Variants in MECOM observed in about 807,000 individuals in gnomAD.
MECOM encodes MDS1 and EVI1 complex locus.
Under a neutral mutation model 116.3 loss-of-function variants are expected in MECOM, and 13 were observed. The observed-to-expected ratio is 0.11, with a 90% CI of 0.07 to 0.18. The LOEUF (loss-of-function observed/expected upper bound fraction) is 0.18. MECOM is among the 10% of genes least tolerant of loss of function. The probability of loss-of-function intolerance (pLI) is 1.00; values close to 1 mark genes in which losing one functional copy is unlikely to be tolerated. For synonymous variants in MECOM, 528 were observed against 535.2 expected, an observed-to-expected ratio of 0.99 and a Z score of 0.19; for missense variants, 1,299 against 1,509.0, an observed-to-expected ratio of 0.86 and a Z score of 2.31.
chr3:169,378,517 A>G (rs11715195), intron 2 of MECOM, among the ~76,000 whole-genome samples: 64 of 19,552 alleles, frequency 3.3e-3, no homozygotes, highest in East Asian at 5.7e-3. Flanking sequence ...AAGAAAGAAA[A>G]GAAAGAAAGA....
At chr3:169,300,794 A>G (rs920389688) in intron 2 of MECOM, among the ~76,000 whole-genome samples, 6 of 152,220 alleles carry the variant, frequency 3.9e-5, no homozygotes, top group Non-Finnish European at 8.8e-5. Flanking sequence ...TTCCAACCAG[A>G]GGAGAGTACA....
intron 1 of MECOM, among the ~76,000 whole-genome samples, chr3:169,565,222 A>AGG (rs1426005493): frequency 6.6e-6 from 1 of 152,224 alleles, no homozygotes; most frequent in Non-Finnish European, 1.5e-5. Flanking sequence ...AGCAAGCACC[A>AGG]GGGGCAGGGG....
rs140023455 is a variant in MECOM at position 169,339,471 on chromosome 3, G to T, written c.375+41716C>A. Among the ~76,000 whole-genome samples, 52 of 152,332 alleles carry T rather than the reference G, an allele frequency of 3.4e-4. No homozygotes were observed. In the East Asian group the frequency reaches 6.2e-3, roughly 18 times the overall value. ...ATACAGGCAAATGATTTGAAGGGAA[G>T]ACTGCAATGTATGGAAATAACCACC... On this transcript the variant is annotated intron_variant, in intron 2 of 16. Coordinates refer to ENST00000651503, the MANE Select transcript of MECOM (RefSeq NM_004991.4).
chr3:169,361,777 A>T (rs908146827), intron 2 of MECOM, among the ~76,000 whole-genome samples: 11 of 151,784 alleles, frequency 7.2e-5, no homozygotes, highest in African/African-American at 2.7e-4. Flanking sequence ...GCTGTTGTTG[A>T]CAAAAGTCCA....
At chr3:169,278,371 C>A (rs1389178504) in intron 2 of MECOM, among the ~76,000 whole-genome samples, 1 of 152,182 alleles carries the variant, frequency 6.6e-6, no homozygotes, top group African/African-American at 2.4e-5. Context: ...AGATCCAGTC[C>A]TAAATGCCTT....
rs1577829966 is a variant in MECOM at position 169,354,547 on chromosome 3, C to G, written c.375+26640G>C. Among the ~76,000 whole-genome samples, 3 of 151,846 alleles carry G rather than the reference C, an allele frequency of 2.0e-5. No individual in the cohort carries two copies. The East Asian group carries it at 5.9e-4, about 30-fold the overall frequency. On this transcript the variant is annotated intron_variant, in intron 2 of 16. Coordinates refer to ENST00000651503, the MANE Select transcript of MECOM (RefSeq NM_004991.4). Reference sequence around the variant, plus strand: ...TTTAAGTTTAGTTTGGTCGTATTACCCATAGGTTAAATCCTAGCCTAACCT... The same window carrying G: ...TTTAAGTTTAGTTTGGTCGTATTACGCATAGGTTAAATCCTAGCCTAACCT...
chr3:169,507,913 G>C (rs1755479599), intron 1 of MECOM, among the ~76,000 whole-genome samples: 1 of 151,704 alleles, frequency 6.6e-6, no homozygotes, highest in African/African-American at 2.4e-5. Flanking sequence ...GCCCGCCTCG[G>C]CCTCCCAAAG....
At chr3:169,605,699 G>A (rs928681274) in intron 1 of MECOM, among the ~76,000 whole-genome samples, 2 of 152,318 alleles carry the variant, frequency 1.3e-5, no homozygotes, top group Admixed American at 1.3e-4. Context: ...GTTGCCCTGA[G>A]TTGCCTATAG....
At chr3:169,217,522 C>T (rs748365598) in intron 2 of MECOM, among the ~76,000 whole-genome samples, 1 of 152,078 alleles carries the variant, frequency 6.6e-6, no homozygotes, top group Non-Finnish European at 1.5e-5. Flanking sequence ...CGGTGGCTCA[C>T]ACCTGTAATC....
chr3:169,196,244 C>T (rs1748394565), intron 2 of MECOM, among the ~76,000 whole-genome samples: 1 of 151,972 alleles, frequency 6.6e-6, no homozygotes, highest in Non-Finnish European at 1.5e-5. Context: ...ACTTGATGCT[C>T]AGACATTCTA....
At chr3:169,600,879 T>C (rs1331954730) in intron 1 of MECOM, among the ~76,000 whole-genome samples, 4 of 152,168 alleles carry the variant, frequency 2.6e-5, no homozygotes, top group Non-Finnish European at 5.9e-5. Flanking sequence ...GAAAGTAGAG[T>C]AGAAAGGCCA....
chr3:169,110,750 A>T (rs963056173), intron 9 of MECOM, among the ~76,000 whole-genome samples: 10 of 152,128 alleles, frequency 6.6e-5, no homozygotes, highest in African/African-American at 2.4e-4. Context: ...ATCAGGTTCT[A>T]AGTATTTTGA....
At chr3:169,446,587 A>G (rs1355886911) in intron 1 of MECOM, among the ~76,000 whole-genome samples, 1 of 152,236 alleles carries the variant, frequency 6.6e-6, no homozygotes, top group Admixed American at 6.5e-5. Flanking sequence ...AGTTTACATC[A>G]TAGAACTTGC....
chr3:169,099,557 T>A (rs1722866682), intron 12 of MECOM, among the ~76,000 whole-genome samples: 2 of 152,202 alleles, frequency 1.3e-5, no homozygotes, highest in South Asian at 4.1e-4. Flanking sequence ...TCCCTCTAGC[T>A]TTCTTCTAAG....
chr3:169,475,340 A>G (rs151246636), intron 1 of MECOM, among the ~76,000 whole-genome samples: 22 of 152,284 alleles, frequency 1.4e-4, no homozygotes, highest in African/African-American at 4.6e-4. Context: ...CCCTGGCCCA[A>G]CTTTATCAAG....
At chr3:169,293,004 GA>G (rs1368888955) in intron 2 of MECOM, among the ~76,000 whole-genome samples, 1 of 152,110 alleles carries the variant, frequency 6.6e-6, no homozygotes, top group Non-Finnish European at 1.5e-5. Flanking sequence ...TCAGTGAGAT[GA>G]AGTGACTTAT....
chr3:169,639,750 A>C (rs1350479910), intron 1 of MECOM, among the ~76,000 whole-genome samples: 1 of 152,260 alleles, frequency 6.6e-6, no homozygotes, highest in East Asian at 1.9e-4. Flanking sequence ...AACCCCAAGT[A>C]TTAAGATAGG....
chr3:169,646,488 A>G (rs1343036693), intron 1 of MECOM, among the ~76,000 whole-genome samples: 1 of 152,160 alleles, frequency 6.6e-6, no homozygotes, highest in Non-Finnish European at 1.5e-5. Flanking sequence ...AAAAAATTAA[A>G]AAAGAACTAG....
intron 1 of MECOM, among the ~76,000 whole-genome samples, chr3:169,584,336 C>T (rs566191379): frequency 1.6e-4 from 25 of 151,728 alleles, no homozygotes; most frequent in East Asian, 9.7e-4. Flanking sequence ...GAGGCCGGGG[C>T]GGGCGGATCA....
Sources: gnomAD v4.1 joint callset for allele counts (sites outside exome capture counted in the v4.1 genomes callset) on GRCh38, gnomAD v4.1.1 for gene constraint, MANE v1.5 for transcripts, NCBI Gene and HGNC (gene_info 2026-07-23, HGNC 2026-07-21) for gene names.